Variants in ARB2A observed in about 807,000 individuals in gnomAD.
The protein encoded by ARB2A is cotranscriptional regulator ARB2A.
the ARB2A span, among the ~76,000 whole-genome samples, chr5:93,797,479 T>C: frequency 0.81 from 123,514 of 152,056 alleles, 50,606 homozygotes; most frequent in East Asian, 0.95. Flanking sequence ...TTTATTATGG[T>C]AGGAGGCAGA....
At chr5:93,878,532 T>C in the ARB2A span, among the ~76,000 whole-genome samples, 6 of 152,042 alleles carry the variant, frequency 3.9e-5, no homozygotes, top group African/African-American at 7.2e-5. Flanking sequence ...GTCCTCAGAC[T>C]GAGTTTCCAC....
the ARB2A span, among the ~76,000 whole-genome samples, chr5:94,005,094 G>A: frequency 7.2e-6 from 1 of 138,936 alleles, no homozygotes; most frequent in Non-Finnish European, 1.5e-5. Context: ...AAAGAGACAT[G>A]TTCACAGTAT....
chr5:93,709,026 C>T, the ARB2A span, among the ~76,000 whole-genome samples: 2 of 139,194 alleles, frequency 1.4e-5, no homozygotes, highest in African/African-American at 2.7e-5. Context: ...GTTCTTACCA[C>T]CCACCCCCAC....
chr5:93,803,087 A>C, the ARB2A span, among the ~76,000 whole-genome samples: 1 of 152,054 alleles, frequency 6.6e-6, no homozygotes, highest in Admixed American at 6.6e-5. Flanking sequence ...ATACCACATG[A>C]GTAATAACAG....
At chr5:93,849,288 G>T in the ARB2A span, among the ~76,000 whole-genome samples, 1 of 151,980 alleles carries the variant, frequency 6.6e-6, no homozygotes, top group Admixed American at 6.6e-5. Context: ...TGTGTAACTT[G>T]AAAATTAATT....
At chr5:93,854,930 T>C in the ARB2A span, among the ~76,000 whole-genome samples, 4 of 152,178 alleles carry the variant, frequency 2.6e-5, no homozygotes, top group African/African-American at 7.2e-5. Context: ...AAAATGTATA[T>C]TCTGTTGATT....
chr5:93,741,131 C>T, the ARB2A span: 1 of 1,613,892 alleles, frequency 6.2e-7, no homozygotes, highest in Middle Eastern at 1.6e-4. Context: ...CCCACATCGG[C>T]CTGCGAGTAC....
chr5:93,896,915 T>C, the ARB2A span, among the ~76,000 whole-genome samples: 1 of 151,992 alleles, frequency 6.6e-6, no homozygotes, highest in Non-Finnish European at 1.5e-5. Flanking sequence ...AAGTATAAAC[T>C]TCCATATTCC....
the ARB2A span, among the ~76,000 whole-genome samples, chr5:93,959,795 G>C: frequency 6.6e-6 from 1 of 152,086 alleles, no homozygotes; most frequent in African/African-American, 2.4e-5. Flanking sequence ...TATGATGTAT[G>C]ATTTACATTT....
the ARB2A span, among the ~76,000 whole-genome samples, chr5:94,016,668 A>T: frequency 6.6e-6 from 1 of 152,228 alleles, no homozygotes; most frequent in Middle Eastern, 3.2e-3. Context: ...TGAGAAATGC[A>T]ATTAAGGGAG....
chr5:93,670,258 A>T, the ARB2A span, among the ~76,000 whole-genome samples: 2 of 152,322 alleles, frequency 1.3e-5, no homozygotes, highest in South Asian at 4.1e-4. Context: ...TTAATCTAAA[A>T]TAGATATGAT....
the ARB2A span, among the ~76,000 whole-genome samples, chr5:93,793,361 A>C: frequency 6.7e-6 from 1 of 148,304 alleles, no homozygotes; most frequent in Non-Finnish European, 1.5e-5. Flanking sequence ...TGGGATTACA[A>C]GTGTGAGTCA....
At chr5:94,082,114 A>G in the ARB2A span, among the ~76,000 whole-genome samples, 3 of 152,206 alleles carry the variant, frequency 2.0e-5, no homozygotes, top group Non-Finnish European at 4.4e-5. Context: ...ATCACAGTGC[A>G]CTGGTCTAGC....
chr5:93,934,093 G>A, the ARB2A span, among the ~76,000 whole-genome samples: 1 of 152,064 alleles, frequency 6.6e-6, no homozygotes, highest in Non-Finnish European at 1.5e-5. Context: ...AAATTCCTAG[G>A]AAGTAACCTA....
At chr5:94,085,753 A>G in the ARB2A span, among the ~76,000 whole-genome samples, 1 of 152,222 alleles carries the variant, frequency 6.6e-6, no homozygotes, top group East Asian at 1.9e-4. Flanking sequence ...ATAGGAGAGC[A>G]AATATACTGT....
At chr5:93,972,836 A>T in the ARB2A span, among the ~76,000 whole-genome samples, 4 of 152,060 alleles carry the variant, frequency 2.6e-5, no homozygotes, top group African/African-American at 7.2e-5. Flanking sequence ...AGCACTTTGT[A>T]AGGTCAAAGC....
chr5:94,046,635 G>A, the ARB2A span, among the ~76,000 whole-genome samples: 1 of 152,154 alleles, frequency 6.6e-6, no homozygotes, highest in Non-Finnish European at 1.5e-5. Context: ...TAAAGTGCCT[G>A]CTTTCTGCTC....
At chr5:93,960,718 G>A in the ARB2A span, among the ~76,000 whole-genome samples, 1 of 152,136 alleles carries the variant, frequency 6.6e-6, no homozygotes, top group Non-Finnish European at 1.5e-5. Flanking sequence ...AGCATATACT[G>A]AAGATTAAAC....
At chr5:93,978,383 G>A in the ARB2A span, among the ~76,000 whole-genome samples, 1 of 151,996 alleles carries the variant, frequency 6.6e-6, no homozygotes, top group African/African-American at 2.4e-5. Flanking sequence ...TCAATAGTAT[G>A]GACTGAATAA....
Sources: allele counts gnomAD v4.1 joint callset (sites outside exome capture counted in the v4.1 genomes callset), GRCh38; gene constraint gnomAD v4.1.1; transcripts MANE v1.5; gene names NCBI Gene and HGNC (gene_info 2026-07-23, HGNC 2026-07-21).